Variants in BTBD10 observed in about 807,000 individuals in gnomAD.
BTBD10 encodes the protein BTB domain containing 10.
Under a neutral mutation model 53.2 loss-of-function variants are expected in BTBD10, and 21 were observed. The ratio of observed to expected loss-of-function variants is 0.39; its 90% CI spans 0.28 to 0.57. The LOEUF (loss-of-function observed/expected upper bound fraction) is 0.57, where lower values mean the gene tolerates loss of function less well. Ranked by LOEUF, BTBD10 falls within the 20% of genes least tolerant of loss-of-function variation. The probability of loss-of-function intolerance (pLI) is 0.53; values close to 1 mark genes in which losing one functional copy is unlikely to be tolerated. For missense variants in BTBD10, 360 were observed against 594.7 expected (o/e 0.61, Z 4.10); for synonymous variants, 149 against 192.7 (o/e 0.77, Z 1.88).
At chr11:13,421,913 G>A in intron 2 of BTBD10, 75 bp from the exon 3 acceptor site, 2 of 1,212,902 alleles carry the variant, frequency 1.6e-6, no homozygotes, top group Admixed American at 2.9e-5. Context: ...AAACACCCAA[G>A]TAACAAAAAA....
At chr11:13,457,231 G>C (rs1414669761) in intron 1 of BTBD10, among the ~76,000 whole-genome samples, 1 of 151,774 alleles carries the variant, frequency 6.6e-6, no homozygotes, top group African/African-American at 2.4e-5. Context: ...TGGTAGAAAG[G>C]AATTCTGTAA....
intron 1 of BTBD10, among the ~76,000 whole-genome samples, chr11:13,445,563 T>C (rs1274283946): frequency 2.6e-5 from 4 of 152,192 alleles, no homozygotes; most frequent in African/African-American, 9.6e-5. Context: ...ATTTCCTAAT[T>C]ACTAAAAGTT....
intron 1 of BTBD10, among the ~76,000 whole-genome samples, chr11:13,458,877 C>T (rs1951027576): frequency 6.6e-6 from 1 of 152,030 alleles, no homozygotes; most frequent in Admixed American, 6.6e-5. Context: ...AAATTCAAGC[C>T]TGCATTGTAT....
intron 7 of BTBD10, among the ~76,000 whole-genome samples, chr11:13,404,243 A>C (rs1412675551): frequency 1.3e-5 from 2 of 152,216 alleles, no homozygotes; most frequent in East Asian, 3.8e-4. Context: ...CCGAAAGGCT[A>C]TCTCTAGCTC....
At chr11:13,401,970 A>G (rs72870929) in intron 8 of BTBD10, among the ~76,000 whole-genome samples, 24,008 of 152,206 alleles carry the variant, frequency 0.16, 2,081 homozygotes, top group Admixed American at 0.24. Flanking sequence ...TTCTCCGTCT[A>G]GAACCATTTT....
intron 2 of BTBD10, among the ~76,000 whole-genome samples, chr11:13,425,636 T>C (rs776349818): frequency 1.2e-4 from 19 of 152,154 alleles, no homozygotes; most frequent in Non-Finnish European, 2.2e-4. Context: ...AATGTTTACA[T>C]GTGAGATGAA....
At chr11:13,413,806 CCTAA>C (rs1950023469) in intron 5 of BTBD10, among the ~76,000 whole-genome samples, 156 bp from the exon 6 acceptor site, 1 of 152,190 alleles carries the variant, frequency 6.6e-6, no homozygotes, top group Non-Finnish European at 1.5e-5. Flanking sequence ...CCTCCGTTCA[CCTAA>C]CTACTTTTTC....
In BTBD10 at chr11:13,389,157, A is replaced by G. The variant is rs778015480; in HGVS notation, c.1118-16T>C. 1 of 1,527,818 alleles carries G rather than the reference A, an allele frequency of 6.5e-7. No homozygotes were observed. The highest frequency in any genetic ancestry group is 9.0e-7 in the Non-Finnish European group (1 of 1,113,034). 94.6% of individuals were successfully genotyped at this position (1,527,818 alleles called of 1,614,324 possible). A position where few individuals can be genotyped will look rare whatever the true frequency, so the allele number is the denominator to read the frequency against. ...GTAGGATAACCTGAAAGAAAGAAAG[A>G]TTTTAAAAACTGAGGAGACACACAC... On this transcript the variant is annotated splice_polypyrimidine_tract_variant and intron_variant, in intron 8 of 8. Coordinates refer to ENST00000278174, the MANE Select transcript of BTBD10 (RefSeq NM_032320.7).
At chr11:13,398,148 A>C (rs1010870708) in intron 8 of BTBD10, among the ~76,000 whole-genome samples, 79 of 152,292 alleles carry the variant, frequency 5.2e-4, no homozygotes, top group African/African-American at 1.8e-3. Flanking sequence ...GGGGTGTTAA[A>C]GTCTCCCATT....
At chr11:13,407,832 T>C (rs1949863372) in intron 6 of BTBD10, among the ~76,000 whole-genome samples, 1 of 152,230 alleles carries the variant, frequency 6.6e-6, no homozygotes, top group Non-Finnish European at 1.5e-5. Context: ...TTGCAATTTC[T>C]GCCTTGGTTT....
intron 1 of BTBD10, among the ~76,000 whole-genome samples, chr11:13,453,260 C>A (rs967596581): frequency 4.0e-5 from 6 of 151,736 alleles, no homozygotes; most frequent in Admixed American, 1.3e-4. Context: ...CATATTTACA[C>A]ACAAGAAAAA....
chr11:13,390,139 T>C (rs1163380027), intron 8 of BTBD10, among the ~76,000 whole-genome samples: 1 of 152,154 alleles, frequency 6.6e-6, no homozygotes, highest in Admixed American at 6.5e-5. Context: ...AAAGATCAAC[T>C]GTCCTTAAGA....
chr11:13,412,065 A>G (rs143305491), intron 6 of BTBD10, among the ~76,000 whole-genome samples: 15,995 of 152,066 alleles, frequency 0.11, 942 homozygotes, highest in Middle Eastern at 0.15. Context: ...TCCCGACCTC[A>G]GGTGATCCGA....
At chr11:13,421,911 A>C in intron 2 of BTBD10, 73 bp from the exon 3 acceptor site, 1 of 1,252,474 alleles carries the variant, frequency 8.0e-7, no homozygotes, top group South Asian at 1.7e-5. Flanking sequence ...AGAAACACCC[A>C]AGTAACAAAA....
intron 1 of BTBD10, among the ~76,000 whole-genome samples, chr11:13,457,990 T>C (rs1048106463): frequency 1.3e-5 from 2 of 152,198 alleles, no homozygotes; most frequent in Middle Eastern, 3.4e-3. Context: ...CTACTCATCA[T>C]AAAACAGTTT....
intron 1 of BTBD10, among the ~76,000 whole-genome samples, chr11:13,461,250 T>A (rs1951088711): frequency 6.6e-6 from 1 of 152,200 alleles, no homozygotes; most frequent in Non-Finnish European, 1.5e-5. Flanking sequence ...TTCAGTCACA[T>A]GATATTTTTA....
chr11:13,448,287 T>C (rs1304485674), intron 1 of BTBD10, among the ~76,000 whole-genome samples: 1 of 152,168 alleles, frequency 6.6e-6, no homozygotes, highest in East Asian at 1.9e-4. Flanking sequence ...TGCCTCATCC[T>C]TCACCCTCAT....
At chr11:13,408,832 T>C (rs971212154) in intron 6 of BTBD10, among the ~76,000 whole-genome samples, 4 of 152,198 alleles carry the variant, frequency 2.6e-5, no homozygotes, top group Non-Finnish European at 4.4e-5. Flanking sequence ...GGCTTCCTAA[T>C]TGATCTATTT....
intron 2 of BTBD10, among the ~76,000 whole-genome samples, chr11:13,442,485 T>C (rs1242680528): frequency 6.6e-6 from 1 of 152,102 alleles, no homozygotes; most frequent in African/African-American, 2.4e-5. Flanking sequence ...ATTTGCCACA[T>C]GGGAACAATA....
Sources: gnomAD v4.1 joint callset for allele counts (sites outside exome capture counted in the v4.1 genomes callset) on GRCh38, gnomAD v4.1.1 for gene constraint, MANE v1.5 for transcripts, NCBI Gene and HGNC (gene_info 2026-07-23, HGNC 2026-07-21) for gene names.